Variants in PIP5KL1 observed in about 807,000 individuals in gnomAD.
PIP5KL1 encodes phosphatidylinositol 4-phosphate 5-kinase-like protein 1.
PIP5KL1 carries 45 observed loss-of-function variants against 47.6 expected under a neutral mutation model. That is an observed-to-expected ratio of 0.94 (90% confidence interval 0.74 to 1.21). The LOEUF is 1.21. PIP5KL1 is among the 50% of genes most tolerant of loss of function. The probability of loss-of-function intolerance (pLI) is 0.00; values close to 1 mark genes in which losing one functional copy is unlikely to be tolerated. For synonymous variants in PIP5KL1, 256 were observed against 234.6 expected (o/e 1.09, Z -0.84); for missense variants, 577 against 547.6 (o/e 1.05, Z -0.54).
chr9:127,926,106 C>A lies in PIP5KL1; in HGVS notation c.651-127G>T, dbSNP rs188921794. Reference sequence around the variant, plus strand: ...GATCATCCCCAGTCCTCAGCACAACCCTGGCCTGTCTTTTTCTCTTTCTTT... The same window carrying A: ...GATCATCCCCAGTCCTCAGCACAACACTGGCCTGTCTTTTTCTCTTTCTTT... On this transcript the variant is annotated intron_variant, in intron 7 of 9. Transcript: ENST00000388747. 7 of 504,550 alleles carry A rather than the reference C, an allele frequency of 1.4e-5. No individual in the cohort carries two copies. In the Middle Eastern group the frequency reaches 9.0e-4, roughly 65 times the overall value. 31.3% of individuals were successfully genotyped at this position (504,550 alleles called of 1,614,324 possible). A position where few individuals can be genotyped will look rare whatever the true frequency, so the allele number is the denominator to read the frequency against.
chr9:127,924,910 A>G (rs1831337476), intron 9 of PIP5KL1, among the ~76,000 whole-genome samples, 197 bp downstream of exon 9: 2 of 151,150 alleles, frequency 1.3e-5, no homozygotes, highest in Admixed American at 6.6e-5. Flanking sequence ...ACCCACACAC[A>G]TGCACGCACA....
Position 127,925,113 on chromosome 9 carries a change from G to A in PIP5KL1, c.911C>T (p.Thr304Met), listed in dbSNP as rs149767177. Residue 304 changes from threonine (T) to methionine (M), a missense_variant, in exon 9 of 10, where the codon ACG becomes ATG. Coordinates refer to ENST00000388747, the MANE Select transcript of PIP5KL1 (RefSeq NM_001135219.2). ...RGPGSSLIFRTARSVQGAQSP... is the reference protein window; with the variant it reads ...RGPGSSLIFRMARSVQGAQSP... ...GCCCCTGTGGGAGGCTCACCTGGCC[G>A]TGCGGAAGATGAGGCTGCTGCCCGG... 2,122 of 1,613,962 alleles carry A rather than the reference G, an allele frequency of 1.3e-3. 1 individual carries two copies. Among genetic ancestry groups the A allele is most frequent in the African/African-American group, 3.7e-3 (275 of 75,050 alleles).
At position 127,927,173 on chromosome 9, in the gene PIP5KL1, G is replaced by A. The variant is rs562902378; in HGVS notation, c.630C>T (p.Pro210=). 2.5e-6 allele frequency: 4 copies of A among 1,611,832 alleles called. No individual in the cohort carries two copies. The South Asian group carries it at 4.4e-5, about 18-fold the overall frequency. ...YFIVMQSVFY[P]AGRISERYDI... is the part of the protein sequence containing the mutation. ...CTCACCTCTCGGAGATGCGGCCGGC[G>A]GGGTAGAAGACGCTCTGCATGACGA... The change falls in exon 7 of 10, where the codon CCC becomes CCT. Residue 210 remains proline, a synonymous_variant. Transcript: ENST00000388747. This position sits in a 1 kb window ranked among gnomAD's most constrained non-coding sequence, Gnocchi z 5.5.
At chr9:127,928,878 C>T in intron 2 of PIP5KL1, 1 of 237,744 alleles carries the variant, frequency 4.2e-6, no homozygotes, top group South Asian at 6.0e-5. Context: ...AGAAGCCTTC[C>T]TGGGGGTGGA....
At position 127,928,488 on chromosome 9, in the gene PIP5KL1, A is replaced by G; in HGVS notation, c.229-5T>C. ...ATCGTCCCGGGAGGGCGGCCCCTGC[A>G]GGGAGAGGTAGAGGAGCTCAGGGCA... On this transcript the variant is annotated splice_region_variant and splice_polypyrimidine_tract_variant and intron_variant, in intron 2 of 9. Transcript: ENST00000388747. The G allele has an allele frequency of 6.3e-7, 1 of 1,586,912 alleles. No individual in the cohort carries two copies. Among genetic ancestry groups the G allele is most frequent in the Admixed American group, 1.8e-5 (1 of 56,848 alleles).
chr9:127,922,889 T>C (rs748140884), intron 9 of PIP5KL1, among the ~76,000 whole-genome samples: 3 of 152,178 alleles, frequency 2.0e-5, no homozygotes, highest in Non-Finnish European at 4.4e-5. Flanking sequence ...AATTTTAAAT[T>C]ACATGTATGG....
At position 127,920,997 on chromosome 9, in the gene PIP5KL1, G is replaced by A. The variant is rs1831273412; in HGVS notation, c.*850C>T. ...GCACCTTGCTCCAGTCACACAGCCA[G>A]GCCCCGGAGCAGTTCTGGAGGAAAG... On this transcript the variant is annotated 3_prime_UTR_variant, in exon 10 of 10. Coordinates refer to ENST00000388747, the MANE Select transcript of PIP5KL1 (RefSeq NM_001135219.2). 2 of 152,306 alleles carry A rather than the reference G, an allele frequency of 1.3e-5. No individual in the cohort carries two copies. The highest frequency in any genetic ancestry group is 1.3e-4 in the Admixed American group (2 of 15,286). The allele number at this position is 152,306 out of a possible 1,614,324, so 9.4% of individuals were successfully genotyped here.
At chr9:127,922,181 G>C in intron 9 of PIP5KL1, 67 bp from the exon 10 acceptor site, 1 of 1,436,206 alleles carries the variant, frequency 7.0e-7, no homozygotes, top group Non-Finnish European at 9.1e-7. Context: ...GGCTCTGCAA[G>C]CCTGGCCAGG....
chr9:127,925,424 C>T, intron 8 of PIP5KL1, 164 bp from the exon 9 acceptor site: 3 of 722,708 alleles, frequency 4.2e-6, no homozygotes, highest in Middle Eastern at 4.0e-4. Context: ...GTCATGGAGC[C>T]TGAATTTGAA....
Position 127,929,810 on chromosome 9 carries a change from C to G in PIP5KL1, c.106G>C (p.Asp36His). ...SRRGLLWRLRDKQSRLGLFEI... is the reference protein window; with the variant it reads ...SRRGLLWRLRHKQSRLGLFEI... Reference sequence around the variant, plus strand: ...AACAGGCCCAGGCGAGACTGCTTGTCTCGGAGGCGCCAGAGAAGCCCCCGC... The same window carrying G: ...AACAGGCCCAGGCGAGACTGCTTGTGTCGGAGGCGCCAGAGAAGCCCCCGC... The change falls in exon 2 of 10, where the codon GAC (aspartate) becomes CAC (histidine). Residue 36 changes from aspartate (D) to histidine (H), a missense_variant. By Grantham distance (81) the Asp-to-His change is moderately conservative (BLOSUM62 -1). Coordinates refer to ENST00000388747, the MANE Select transcript of PIP5KL1 (RefSeq NM_001135219.2). This position sits in a 1 kb window ranked among gnomAD's most constrained non-coding sequence, Gnocchi z 4.0. 1 of 1,551,584 alleles carries G rather than the reference C, an allele frequency of 6.4e-7. No homozygotes were observed. The highest frequency in any genetic ancestry group is 1.2e-5 in the South Asian group (1 of 84,136).
intron 9 of PIP5KL1, among the ~76,000 whole-genome samples, chr9:127,923,087 A>C (rs1564136634): frequency 6.6e-6 from 1 of 152,232 alleles, no homozygotes; most frequent in Non-Finnish European, 1.5e-5. Context: ...CAGCAACCCC[A>C]GTTTGCAGAT....
In PIP5KL1 at chr9:127,922,129, G is replaced by A; in HGVS notation, c.918-15C>T. 6.8e-7 allele frequency: 1 copy of A among 1,474,276 alleles called. No individual in the cohort carries two copies. The highest frequency in any genetic ancestry group is 2.5e-5 in the East Asian group (1 of 40,096). The allele number at this position is 1,474,276 out of a possible 1,614,324, so 91.3% of individuals were successfully genotyped here. A position where few individuals can be genotyped will look rare whatever the true frequency, so the allele number is the denominator to read the frequency against. On this transcript the variant is annotated splice_polypyrimidine_tract_variant and intron_variant, in intron 9 of 9. Transcript: ENST00000388747. ...CTTGCACAGACCTGGGGGCCGACAGGAGGGTGAAGCTGCCAGCTCCTCCAG... is the reference window on the plus strand; with the variant it reads ...CTTGCACAGACCTGGGGGCCGACAGAAGGGTGAAGCTGCCAGCTCCTCCAG...
Position 127,927,696 on chromosome 9 carries a change from C to A in PIP5KL1, c.511G>T (p.Val171Leu), listed in dbSNP as rs1215767295. ...QALLAHLPRY[V>L]QHLQRHPHSL... ...TGCGGGTGCCGCTGCAGGTGCTGCA[C>A]GTAGCGGGGCAGGTGGGCGAGCAGA... The change falls in exon 5 of 10, where the codon GTG becomes TTG. Residue 171 changes from valine (V) to leucine (L), a missense_variant. Transcript: ENST00000388747. The surrounding 1 kb of genome is among the most constrained non-coding windows in gnomAD (Gnocchi z 5.5). 2 of 1,547,408 alleles carry A rather than the reference C, an allele frequency of 1.3e-6. No homozygotes were observed. Among genetic ancestry groups the A allele is most frequent in the East Asian group, 2.4e-5 (1 of 40,964 alleles).
intron 1 of PIP5KL1, 133 bp from the exon 2 acceptor site, chr9:127,930,018 T>C (rs2131642392): frequency 3.3e-6 from 3 of 904,820 alleles, no homozygotes; most frequent in East Asian, 2.7e-5. Context: ...AGCTGTAAAA[T>C]AGAGATGATG....
At chr9:127,930,501 C>T (rs1237879920) in intron 1 of PIP5KL1, among the ~76,000 whole-genome samples, 2 of 152,240 alleles carry the variant, frequency 1.3e-5, no homozygotes, top group African/African-American at 4.8e-5. Context: ...TTAGCATCCT[C>T]TCCATTTTCC....
At position 127,920,908 on chromosome 9, in the gene PIP5KL1, T is replaced by A. The variant is rs1299997757; in HGVS notation, c.*939A>T. The A allele has an allele frequency of 6.6e-6, 1 of 152,206 alleles. No individual in the cohort carries two copies. Among genetic ancestry groups the A allele is most frequent in the Non-Finnish European group, 1.5e-5 (1 of 68,050 alleles). The allele number at this position is 152,206 out of a possible 1,614,324, so 9.4% of individuals were successfully genotyped here. ...AGGTGCTCAACAAATATTTAATGAG[T>A]TAATGAGGTCTGTTTCCATTCCTTC... On this transcript the variant is annotated 3_prime_UTR_variant, in exon 10 of 10. Transcript: ENST00000388747.
At position 127,921,766 on chromosome 9, in the gene PIP5KL1, G is replaced by A; in HGVS notation, c.*81C>T. ...TGGCGACCATCAGGAGGAAGCGCAGGCGAGATGCCCGGGCCCGGGGGAACC... is the reference window on the plus strand; with the variant it reads ...TGGCGACCATCAGGAGGAAGCGCAGACGAGATGCCCGGGCCCGGGGGAACC... On this transcript the variant is annotated 3_prime_UTR_variant, in exon 10 of 10. Transcript: ENST00000388747. The A allele has an allele frequency of 6.8e-7, 1 of 1,467,850 alleles. No individual in the cohort carries two copies. The highest frequency in any genetic ancestry group is 1.3e-5 in the South Asian group (1 of 74,410). 90.9% of individuals were successfully genotyped at this position (1,467,850 alleles called of 1,614,324 possible).
Position 127,928,246 on chromosome 9 carries a change from G to C in PIP5KL1, c.280-27C>G, listed in dbSNP as rs1237320865. On this transcript the variant is annotated intron_variant, in intron 3 of 9. Transcript: ENST00000388747. ...TGCAGGGGAGGAAGAGCCTCCTCTGGAGTGTCTGCGTGGGCCCGGGTGTGT... is the reference window on the plus strand; with the variant it reads ...TGCAGGGGAGGAAGAGCCTCCTCTGCAGTGTCTGCGTGGGCCCGGGTGTGT... The C allele has an allele frequency of 1.6e-5, 24 of 1,530,778 alleles. No individual in the cohort carries two copies. The Admixed American group carries it at 1.7e-4, about 11-fold the overall frequency. The allele number at this position is 1,530,778 out of a possible 1,614,324, so 94.8% of individuals were successfully genotyped here.
intron 9 of PIP5KL1, among the ~76,000 whole-genome samples, chr9:127,922,463 C>T (rs1319247974): frequency 6.6e-6 from 1 of 151,838 alleles, no homozygotes; most frequent in Non-Finnish European, 1.5e-5. Flanking sequence ...TTTGGGAGGC[C>T]GAGGCGGGTG....
Sources: gnomAD v4.1 joint callset for allele counts (sites outside exome capture counted in the v4.1 genomes callset) on GRCh38, gnomAD v4.1.1 for gene constraint, Gnocchi (gnomAD v3.1) non-coding constraint, MANE v1.5 for transcripts, NCBI Gene and HGNC (gene_info 2026-07-23, HGNC 2026-07-21) for gene names.